SIPA1L1: variants seen among roughly 807,000 people sequenced by gnomAD.
The protein encoded by SIPA1L1 is signal induced proliferation associated 1 like 1.
A neutral mutation model predicts 162.7 loss-of-function variants in SIPA1L1; 26 were observed. The observed-to-expected ratio is 0.16, with a 90% CI of 0.12 to 0.22. SIPA1L1 has a LOEUF of 0.22. Among genes scored for constraint, SIPA1L1 ranks in the 10% least tolerant of loss-of-function variants. The probability of loss-of-function intolerance (pLI) is 1.00; values close to 1 mark genes in which losing one functional copy is unlikely to be tolerated. For missense variants in SIPA1L1, 1,874 were observed against 2,241.0 expected, an observed-to-expected ratio of 0.84 and a Z score of 3.31; for synonymous variants, 829 against 837.4, an observed-to-expected ratio of 0.99 and a Z score of 0.17.
intron 2 of SIPA1L1, among the ~76,000 whole-genome samples, chr14:71,401,242 G>A (rs1332550461): frequency 6.6e-6 from 1 of 152,126 alleles, no homozygotes; most frequent in Non-Finnish European, 1.5e-5. Flanking sequence ...AGATGATTTT[G>A]TGCTGTAGTT....
chr14:71,513,200 C>G (rs2051341288), intron 3 of SIPA1L1, among the ~76,000 whole-genome samples: 1 of 152,058 alleles, frequency 6.6e-6, no homozygotes, highest in Non-Finnish European at 1.5e-5. Flanking sequence ...TCATCAATAG[C>G]TAACTCCAGG....
At chr14:71,353,300 C>T (rs1432716170) in intron 2 of SIPA1L1, among the ~76,000 whole-genome samples, 4 of 152,162 alleles carry the variant, frequency 2.6e-5, no homozygotes, top group African/African-American at 9.7e-5. Context: ...ATGAATTTCA[C>T]GTAACCACTT....
rs578245401 is a variant in SIPA1L1 at position 71,713,453 on chromosome 14, G to A, written c.4208+3789G>A. On this transcript the variant is annotated intron_variant, in intron 17 of 23. Transcript: ENST00000381232. ...TTGTAAACTCTACGAAGTATGACAA[G>A]GAAAAACTTTAGAACAGCTAATATA... 3.1e-4 allele frequency among the ~76,000 whole-genome samples: 47 copies of A among 152,280 alleles called. 1 individual carries two copies. Among genetic ancestry groups the A allele is most frequent in the African/African-American group, 1.1e-3 (44 of 41,552 alleles).
chr14:71,447,024 A>G (rs1017950104), intron 2 of SIPA1L1, among the ~76,000 whole-genome samples: 4 of 141,462 alleles, frequency 2.8e-5, no homozygotes, highest in Non-Finnish European at 4.5e-5. Context: ...TGATTCTCCT[A>G]TCTCGGCCCC....
chr14:71,515,794 G>A (rs186370939), intron 3 of SIPA1L1, among the ~76,000 whole-genome samples: 16 of 151,996 alleles, frequency 1.1e-4, no homozygotes, highest in African/African-American at 3.6e-4. Context: ...CATGCCACCA[G>A]GCCCAGCTAA....
intron 2 of SIPA1L1, among the ~76,000 whole-genome samples, chr14:71,460,216 G>T (rs1417383413): frequency 1.3e-5 from 2 of 152,176 alleles, no homozygotes; most frequent in African/African-American, 4.8e-5. Context: ...TGGTATTGAT[G>T]ACTACCTTTT....
chr14:71,604,802 CT>C (rs756275120), intron 5 of SIPA1L1, among the ~76,000 whole-genome samples: 155 of 152,250 alleles, frequency 1.0e-3, no homozygotes, highest in Middle Eastern at 3.4e-3. Context: ...TGACTACACA[CT>C]TTTCTCTTGC....
At chr14:71,467,874 G>T (rs995059913) in intron 2 of SIPA1L1, among the ~76,000 whole-genome samples, 1 of 145,098 alleles carries the variant, frequency 6.9e-6, no homozygotes, top group Non-Finnish European at 1.5e-5. Flanking sequence ...AAAAAAGAAA[G>T]AAAAAGTATT....
intron 2 of SIPA1L1, among the ~76,000 whole-genome samples, chr14:71,357,180 C>T (rs2037357983): frequency 6.6e-6 from 1 of 152,096 alleles, no homozygotes; most frequent in Admixed American, 6.5e-5. Context: ...CCCCTTCAGC[C>T]TCCCGAGTAG....
intron 3 of SIPA1L1, among the ~76,000 whole-genome samples, chr14:71,524,252 G>C (rs996926450): frequency 2.6e-5 from 4 of 152,118 alleles, no homozygotes; most frequent in Non-Finnish European, 5.9e-5. Context: ...TCTAGCCTCA[G>C]TGTCTATTAT....
chr14:71,578,738 T>C (rs989169559), intron 4 of SIPA1L1, among the ~76,000 whole-genome samples: 3 of 152,252 alleles, frequency 2.0e-5, no homozygotes, highest in African/African-American at 7.2e-5. Flanking sequence ...GGCAGGCAAC[T>C]GCAGCTGCAG....
At chr14:71,372,134 G>A (rs572599295) in intron 2 of SIPA1L1, among the ~76,000 whole-genome samples, 2 of 152,298 alleles carry the variant, frequency 1.3e-5, no homozygotes, top group South Asian at 4.1e-4. Flanking sequence ...TTTTTGGTCA[G>A]TATATACTGG....
At chr14:71,361,704 T>C (rs1480115644) in intron 2 of SIPA1L1, among the ~76,000 whole-genome samples, 1 of 152,160 alleles carries the variant, frequency 6.6e-6, no homozygotes, top group Non-Finnish European at 1.5e-5. Context: ...GGGCCTGGAA[T>C]CTTTAGGAAC....
At chr14:71,718,513 G>GGCAGTGA (rs1170063732) in intron 17 of SIPA1L1, among the ~76,000 whole-genome samples, 2 of 152,150 alleles carry the variant, frequency 1.3e-5, no homozygotes, top group Non-Finnish European at 2.9e-5. Flanking sequence ...AGCCAGGTGT[G>GGCAGTGA]GCAGTGAGCA....
intron 4 of SIPA1L1, among the ~76,000 whole-genome samples, chr14:71,579,580 C>A (rs2033627616): frequency 6.6e-6 from 1 of 152,120 alleles, no homozygotes; most frequent in Admixed American, 6.6e-5. Context: ...GACAGAGGAA[C>A]CATATGCAGT....
intron 3 of SIPA1L1, among the ~76,000 whole-genome samples, chr14:71,518,006 G>C (rs945151407): frequency 1.5e-4 from 23 of 152,016 alleles, no homozygotes; most frequent in Admixed American, 4.6e-4. Flanking sequence ...GTGGCTGGAC[G>C]GACACAGTGG....
At position 71,587,725 on chromosome 14, in the gene SIPA1L1, C is replaced by A; in HGVS notation, c.-148C>A. The A allele has an allele frequency of 1.3e-6, 1 of 743,104 alleles. No individual in the cohort carries two copies. Among genetic ancestry groups the A allele is most frequent in the Non-Finnish European group, 2.2e-6 (1 of 460,420 alleles). The allele number at this position is 743,104 out of a possible 1,614,324, so 46.0% of individuals were successfully genotyped here. ...ATTTTTCAGTGCTTTACAAATAAAGCATCATTTAACCTTTTAAATGAAAAA... is the reference window on the plus strand; with the variant it reads ...ATTTTTCAGTGCTTTACAAATAAAGAATCATTTAACCTTTTAAATGAAAAA... On this transcript the variant is annotated 5_prime_UTR_variant, in exon 5 of 24. Transcript: ENST00000381232.
intron 2 of SIPA1L1, chr14:71,398,247 C>T (rs1234548017): frequency 6.6e-6 from 1 of 152,004 alleles, no homozygotes; most frequent in Non-Finnish European, 1.5e-5. Context: ...AATTTAATTG[C>T]ATTTCTTTAG....
intron 7 of SIPA1L1, among the ~76,000 whole-genome samples, chr14:71,641,507 G>C (rs1007645392): frequency 6.6e-6 from 1 of 152,190 alleles, no homozygotes; most frequent in Non-Finnish European, 1.5e-5. Flanking sequence ...CAGATCACGA[G>C]GTCAGGAGAT....
Sources: allele counts gnomAD v4.1 joint callset (sites outside exome capture counted in the v4.1 genomes callset), GRCh38; gene constraint gnomAD v4.1.1; transcripts MANE v1.5; gene names NCBI Gene and HGNC (gene_info 2026-07-23, HGNC 2026-07-21).